Variants in MLIP observed in about 807,000 individuals in gnomAD.
The protein encoded by MLIP is muscular LMNA-interacting protein.
MLIP carries 79 observed loss-of-function variants against 84.8 expected under a neutral mutation model. The ratio of observed to expected loss-of-function variants is 0.93; its 90% confidence interval spans 0.78 to 1.12. The LOEUF is 1.12. Among genes scored for constraint, MLIP ranks in the 50% most tolerant of loss-of-function variants. MLIP has a pLI of 0.00. For missense variants in MLIP, 1,257 were observed against 1,160.6 expected, an observed-to-expected ratio of 1.08 and a Z score of -1.21; for synonymous variants, 504 against 463.0, an observed-to-expected ratio of 1.09 and a Z score of -1.14.
chr6:54,126,417 G>A (rs1770923403), intron 3 of MLIP, among the ~76,000 whole-genome samples: 1 of 151,916 alleles, frequency 6.6e-6, no homozygotes, highest in Admixed American at 6.6e-5. Context: ...TTTAGGAGCA[G>A]GTTATAGTTC....
intron 1 of MLIP, among the ~76,000 whole-genome samples, chr6:54,053,812 T>A (rs1765501005): frequency 6.6e-6 from 1 of 152,312 alleles, no homozygotes; most frequent in Non-Finnish European, 1.5e-5. Flanking sequence ...GAGAATTGAA[T>A]CCAGGTGGGA....
At chr6:54,167,387 T>A (rs1775306832) in intron 8 of MLIP, among the ~76,000 whole-genome samples, 1 of 151,884 alleles carries the variant, frequency 6.6e-6, no homozygotes, top group Non-Finnish European at 1.5e-5. Context: ...CATGCCCCTG[T>A]CTTAGCACAT....
At chr6:54,142,767 A>G (rs111567822) in intron 4 of MLIP, among the ~76,000 whole-genome samples, 1,562 of 152,322 alleles carry the variant, frequency 0.01, 33 homozygotes, top group African/African-American at 0.035. Flanking sequence ...TTAGAAGTCT[A>G]TTGCTACCAT....
rs531593510 is a variant in MLIP, at chr6:54,253,533, G to A, written c.2923-3775G>A. On this transcript the variant is annotated intron_variant, in intron 12 of 13. Transcript: ENST00000502396. ...AGAGAACTGTTTCACAAAAGCTAAA[G>A]CTCTAAATTTCATGTCTTGTGTACA... is the stretch of plus-strand genomic sequence containing the variant. Among the ~76,000 whole-genome samples, 3 of 152,188 alleles carry A rather than the reference G, an allele frequency of 2.0e-5. No homozygotes were observed. In the South Asian group the frequency reaches 6.2e-4, roughly 32 times the overall value.
chr6:54,203,501 CAT>C (rs1265167721), intron 11 of MLIP: 1 of 151,758 alleles, frequency 6.6e-6, no homozygotes, highest in African/African-American at 2.4e-5. Flanking sequence ...ATTTATAAAA[CAT>C]AAAGAATCTC....
chr6:54,216,078 C>A, intron 11 of MLIP: 3 of 773,904 alleles, frequency 3.9e-6, no homozygotes, highest in Non-Finnish European at 4.7e-6. Flanking sequence ...TCAACAGACA[C>A]TTCGGTTGTT....
intron 13 of MLIP, among the ~76,000 whole-genome samples, chr6:54,263,338 A>G (rs1162808480): frequency 6.6e-6 from 1 of 152,046 alleles, no homozygotes; most frequent in African/African-American, 2.4e-5. Flanking sequence ...AACGTTTTAT[A>G]GCTTCTGGCT....
chr6:54,223,323 C>T (rs1202919021), intron 11 of MLIP, among the ~76,000 whole-genome samples: 3 of 114,260 alleles, frequency 2.6e-5, no homozygotes, highest in African/African-American at 9.5e-5. Flanking sequence ...AACAAAATAC[C>T]CACAACAATG....
chr6:54,169,085 C>T (rs1775503852), intron 8 of MLIP, among the ~76,000 whole-genome samples: 1 of 151,560 alleles, frequency 6.6e-6, no homozygotes, highest in African/African-American at 2.4e-5. Context: ...GAGTGTGGGA[C>T]ATTTGTAATT....
intron 10 of MLIP, among the ~76,000 whole-genome samples, chr6:54,193,387 T>C (rs1778081046): frequency 6.6e-6 from 1 of 152,202 alleles, no homozygotes; most frequent in African/African-American, 2.4e-5. Flanking sequence ...AGGTTATTTT[T>C]GCACATAAAA....
At chr6:54,214,043 A>C (rs937054175) in intron 11 of MLIP, among the ~76,000 whole-genome samples, 1 of 152,208 alleles carries the variant, frequency 6.6e-6, no homozygotes, top group Non-Finnish European at 1.5e-5. Flanking sequence ...TAAGTCACAA[A>C]TCCACAGGCA....
At chr6:54,095,847 G>A (rs1176951640) in intron 1 of MLIP, among the ~76,000 whole-genome samples, 1 of 152,124 alleles carries the variant, frequency 6.6e-6, no homozygotes. Context: ...ATGGTCTCAA[G>A]ATGAATTGCA....
chr6:54,232,092 T>G, intron 12 of MLIP, among the ~76,000 whole-genome samples: 1 of 152,166 alleles, frequency 6.6e-6, no homozygotes, highest in South Asian at 2.1e-4. Flanking sequence ...GTCTAGAAAA[T>G]AAGTATATGA....
intron 1 of MLIP, among the ~76,000 whole-genome samples, chr6:54,075,530 T>G (rs1173654200): frequency 6.6e-6 from 1 of 152,216 alleles, no homozygotes; most frequent in Non-Finnish European, 1.5e-5. Context: ...CTTACCAACG[T>G]TGCCTAGCAC....
At chr6:54,125,745 C>T (rs1183361773) in intron 3 of MLIP, among the ~76,000 whole-genome samples, 1 of 152,078 alleles carries the variant, frequency 6.6e-6, no homozygotes, top group Admixed American at 6.5e-5. Flanking sequence ...ACCCAGATGT[C>T]CCATTTAGGA....
chr6:54,249,469 CT>C (rs144894408), intron 12 of MLIP, among the ~76,000 whole-genome samples: 9 of 150,678 alleles, frequency 6.0e-5, no homozygotes, highest in East Asian at 1.9e-4. Context: ...ATAGCTAATT[CT>C]TTTTTTTTGA....
chr6:54,188,133 G>A (rs1777575437), intron 9 of MLIP, among the ~76,000 whole-genome samples: 1 of 152,180 alleles, frequency 6.6e-6, no homozygotes, highest in Admixed American at 6.5e-5. Flanking sequence ...TCTGTATAGT[G>A]CACTTGCCAT....
At chr6:54,088,495 C>A (rs1332283793) in intron 1 of MLIP, among the ~76,000 whole-genome samples, 2 of 152,178 alleles carry the variant, frequency 1.3e-5, no homozygotes, top group South Asian at 2.1e-4. Flanking sequence ...ATCCCCATAT[C>A]TCTCTAGCCC....
intron 3 of MLIP, among the ~76,000 whole-genome samples, chr6:54,125,696 T>C (rs893218883): frequency 2.0e-5 from 3 of 152,190 alleles, no homozygotes; most frequent in Non-Finnish European, 4.4e-5. Flanking sequence ...AGGTAGTGGA[T>C]GCAGAGCTCT....
Sources: allele counts gnomAD v4.1 joint callset (sites outside exome capture counted in the v4.1 genomes callset), GRCh38; gene constraint gnomAD v4.1.1; transcripts MANE v1.5; gene names NCBI Gene and HGNC (gene_info 2026-07-23, HGNC 2026-07-21).